DCAF7: variants seen among roughly 807,000 people sequenced by gnomAD.
DCAF7 encodes the protein DDB1- and CUL4-associated factor 7.
In DCAF7, 4 loss-of-function variants were observed where a neutral mutation model predicts 41.2. That is an observed-to-expected ratio of 0.10 (90% confidence interval 0.05 to 0.22). DCAF7 has a LOEUF of 0.22. Among genes scored for constraint, DCAF7 ranks in the 10% least tolerant of loss-of-function variants. DCAF7 has a pLI of 1.00. For missense variants in DCAF7, 131 were observed against 443.2 expected, an observed-to-expected ratio of 0.30 and a Z score of 6.32; for synonymous variants, 143 against 164.2, an observed-to-expected ratio of 0.87 and a Z score of 0.99.
intron 3 of DCAF7, 75 bp downstream of exon 3, chr17:63,579,523 T>C: frequency 9.1e-7 from 1 of 1,102,808 alleles, no homozygotes; most frequent in Non-Finnish European, 1.3e-6. Flanking sequence ...CACTGGGCCA[T>C]ACATCCTAGA....
intron 6 of DCAF7, among the ~76,000 whole-genome samples, chr17:63,585,940 G>A (rs564046998): frequency 5.3e-5 from 8 of 151,830 alleles, no homozygotes; most frequent in African/African-American, 1.9e-4. Flanking sequence ...TGACAAACAT[G>A]GTGAAACCCT....
Position 63,550,893 on chromosome 17 carries a change from C to T in DCAF7, c.138+78C>T, listed in dbSNP as rs2033244026. The T allele has an allele frequency of 1.3e-5, 20 of 1,544,100 alleles. No individual in the cohort carries two copies. Among genetic ancestry groups the T allele is most frequent in the Non-Finnish European group, 1.7e-5 (20 of 1,146,278 alleles). On this transcript the variant is annotated intron_variant, in intron 1 of 6. Coordinates refer to ENST00000614556, the MANE Select transcript of DCAF7 (RefSeq NM_005828.5). This position sits in a 1 kb window ranked among gnomAD's most constrained non-coding sequence, Gnocchi z 4.8. ...CGCCCTTTCCGGGCCGGAGCCCAGG[C>T]CTCAGAACCCTCTTGCGGACTCGCC...
intron 4 of DCAF7, 22 bp downstream of exon 4, chr17:63,579,965 T>G: frequency 6.3e-7 from 1 of 1,597,032 alleles, no homozygotes; most frequent in South Asian, 1.1e-5. Flanking sequence ...TTCCATTTCG[T>G]CTTTCCTCAA....
rs539251926 is a variant in DCAF7 at position 63,550,889 on chromosome 17, C to T, written c.138+74C>T. On this transcript the variant is annotated intron_variant, in intron 1 of 6. Transcript: ENST00000614556. The surrounding 1 kb of genome is among the most constrained non-coding windows in gnomAD (Gnocchi z 4.8). ...GGAGCGCCCTTTCCGGGCCGGAGCC[C>T]AGGCCTCAGAACCCTCTTGCGGACT... 1.7e-5 allele frequency: 26 copies of T among 1,556,138 alleles called. No individual in the cohort carries two copies. Among genetic ancestry groups the T allele is most frequent in the African/African-American group, 1.5e-4 (11 of 73,724 alleles).
At chr17:63,561,105 A>C (rs1403521228) in intron 1 of DCAF7, among the ~76,000 whole-genome samples, 1 of 152,034 alleles carries the variant, frequency 6.6e-6, no homozygotes, top group Non-Finnish European at 1.5e-5. Flanking sequence ...CCTTGTCTCA[A>C]AATACAAAAA....
rs988720769 is a variant in DCAF7 at position 63,589,294 on chromosome 17, G to A, written c.*122G>A. The A allele has an allele frequency of 1.5e-6, 2 of 1,341,382 alleles. No homozygotes were observed. The highest frequency in any genetic ancestry group is 2.1e-6 in the Non-Finnish European group (2 of 961,842). 83.1% of individuals were successfully genotyped at this position (1,341,382 alleles called of 1,614,324 possible). On this transcript the variant is annotated 3_prime_UTR_variant, in exon 7 of 7. Coordinates refer to ENST00000614556, the MANE Select transcript of DCAF7 (RefSeq NM_005828.5). ...TGTCTTTCATTGCTTTGCACCCACT[G>A]TTACCAGAAGCTGCTCTAGGAGTTC...
intron 1 of DCAF7, among the ~76,000 whole-genome samples, chr17:63,570,446 C>G (rs566004014): frequency 6.6e-6 from 1 of 151,006 alleles, no homozygotes; most frequent in African/African-American, 2.4e-5. Context: ...AGTGAGACTC[C>G]GTCTCAAAAA....
rs2033642905 is a variant in DCAF7 at position 63,583,241 on chromosome 17, C to T, written c.529-261C>T. ...CAGGGCATGTGCCTTTGTTTTATCA[C>T]GGGTTGGAGGAAGAAGACTTGGAAA... On this transcript the variant is annotated intron_variant, in intron 4 of 6. Coordinates refer to ENST00000614556, the MANE Select transcript of DCAF7 (RefSeq NM_005828.5). 2.0e-5 allele frequency among the ~76,000 whole-genome samples: 3 copies of T among 152,102 alleles called. No individual in the cohort carries two copies. In the South Asian group the frequency reaches 6.2e-4, roughly 32 times the overall value.
At chr17:63,556,263 G>C (rs2033309537) in intron 1 of DCAF7, among the ~76,000 whole-genome samples, 1 of 152,188 alleles carries the variant, frequency 6.6e-6, no homozygotes, top group African/African-American at 2.4e-5. Flanking sequence ...TCTGCACTAG[G>C]ACTGTGTGTG....
chr17:63,558,808 GT>G (rs1214934691), intron 1 of DCAF7, among the ~76,000 whole-genome samples: 4 of 152,132 alleles, frequency 2.6e-5, no homozygotes, highest in Non-Finnish European at 5.9e-5. Flanking sequence ...CAAACTGATT[GT>G]TTCTACAGAT....
At chr17:63,575,711 G>C (rs60608458) in intron 1 of DCAF7, among the ~76,000 whole-genome samples, 5,633 of 152,176 alleles carry the variant, frequency 0.037, 354 homozygotes, top group African/African-American at 0.13. Context: ...TAAAAAAGGC[G>C]TAAATTAATG....
At chr17:63,581,169 T>C (rs2033618858) in intron 4 of DCAF7, among the ~76,000 whole-genome samples, 1 of 152,156 alleles carries the variant, frequency 6.6e-6, no homozygotes. Context: ...AATGAAGAGT[T>C]TGTCCCACAG....
Position 63,583,442 on chromosome 17 carries a change from T to C in DCAF7, c.529-60T>C, listed in dbSNP as rs2033645208. 1.2e-5 allele frequency: 18 copies of C among 1,478,358 alleles called. No individual in the cohort carries two copies. In the South Asian group the frequency reaches 2.0e-4, roughly 16 times the overall value. The allele number at this position is 1,478,358 out of a possible 1,614,324, so 91.6% of individuals were successfully genotyped here. Reference sequence around the variant, plus strand: ...ATGAACTGGACGTGGCAGATTTCCCTCCTATAGGAAGAAGAGGTAATGGAT... The same window carrying C: ...ATGAACTGGACGTGGCAGATTTCCCCCCTATAGGAAGAAGAGGTAATGGAT... On this transcript the variant is annotated intron_variant, in intron 4 of 6. Transcript: ENST00000614556.
intron 6 of DCAF7, among the ~76,000 whole-genome samples, chr17:63,587,971 A>G (rs1464558468): frequency 6.8e-6 from 1 of 146,636 alleles, no homozygotes; most frequent in Non-Finnish European, 1.5e-5. Flanking sequence ...GGGCAACAGA[A>G]TGAGACTCCA....
intron 1 of DCAF7, among the ~76,000 whole-genome samples, chr17:63,556,242 C>T (rs2033309236): frequency 6.6e-6 from 1 of 152,216 alleles, no homozygotes; most frequent in Non-Finnish European, 1.5e-5. Context: ...TACACACATT[C>T]ACCTTCTTCT....
At chr17:63,586,250 C>T (rs528660654) in intron 6 of DCAF7, among the ~76,000 whole-genome samples, 1 of 151,310 alleles carries the variant, frequency 6.6e-6, no homozygotes, top group Admixed American at 6.6e-5. Context: ...GCCAAGAGTT[C>T]AAGACCAGCC....
intron 6 of DCAF7, among the ~76,000 whole-genome samples, chr17:63,586,331 C>T (rs1051089900): frequency 4.0e-5 from 6 of 151,838 alleles, no homozygotes; most frequent in African/African-American, 1.5e-4. Flanking sequence ...TGGTGAATTC[C>T]TGTAGTCCCA....
At chr17:63,559,378 T>C in intron 1 of DCAF7, among the ~76,000 whole-genome samples, 1 of 33,494 alleles carries the variant, frequency 3.0e-5, no homozygotes, top group Non-Finnish European at 8.2e-5. Flanking sequence ...TATATATGTG[T>C]ATATATATGT....
chr17:63,570,851 C>T (rs1274991375), intron 1 of DCAF7, among the ~76,000 whole-genome samples: 1 of 152,094 alleles, frequency 6.6e-6, no homozygotes, highest in Admixed American at 6.5e-5. Context: ...AGAAAATTGT[C>T]ATGCAGAATA....
Sources: gnomAD v4.1 joint callset for allele counts (sites outside exome capture counted in the v4.1 genomes callset) on GRCh38, gnomAD v4.1.1 for gene constraint, Gnocchi (gnomAD v3.1) non-coding constraint, MANE v1.5 for transcripts, NCBI Gene and HGNC (gene_info 2026-07-23, HGNC 2026-07-21) for gene names.